The following DNAJC1 variants were observed in gnomAD, a reference collection of about 807,000 sequenced individuals.
DNAJC1 encodes DnaJ heat shock protein family (Hsp40) member C1.
DNAJC1 carries 58 observed loss-of-function variants against 76.6 expected under a neutral mutation model. That is an observed-to-expected ratio of 0.76 (90% CI 0.61 to 0.94). The LOEUF (loss-of-function observed/expected upper bound fraction) is 0.94, where lower values mean the gene tolerates loss of function less well. DNAJC1 is among the 40% of genes least tolerant of loss of function. The pLI is 0.00. For synonymous variants in DNAJC1, 258 were observed against 267.9 expected (o/e 0.96, Z 0.36); for missense variants, 689 against 677.3 (o/e 1.02, Z -0.19).
rs561973400 is a variant in DNAJC1, at chr10:21,929,155, G to C, written c.223-14C>G. 9.5e-6 allele frequency: 15 copies of C among 1,576,438 alleles called. No homozygotes were observed. Among genetic ancestry groups the C allele is most frequent in the Admixed American group, 1.8e-5 (1 of 56,740 alleles). ...AGATGATGCATCCTGGAGGTGGTAG[G>C]GGGAGGGGAAAATACAAAGCAAACT... On this transcript the variant is annotated splice_polypyrimidine_tract_variant and intron_variant, in intron 1 of 11. Transcript: ENST00000376980.
At chr10:21,989,485 C>T (rs1013826255) in intron 1 of DNAJC1, among the ~76,000 whole-genome samples, 6 of 151,994 alleles carry the variant, frequency 3.9e-5, no homozygotes, top group African/African-American at 9.7e-5. Flanking sequence ...AGTAGGCAGA[C>T]GAAACCAGAA....
intron 8 of DNAJC1, among the ~76,000 whole-genome samples, chr10:21,823,645 G>A (rs927076660): frequency 6.6e-5 from 10 of 151,722 alleles, no homozygotes; most frequent in Admixed American, 6.6e-4. Context: ...AACCAAGGGT[G>A]TCCAATCTTT....
chr10:21,961,460 A>G (rs1249031270), intron 1 of DNAJC1, among the ~76,000 whole-genome samples: 1 of 152,168 alleles, frequency 6.6e-6, no homozygotes, highest in Non-Finnish European at 1.5e-5. Flanking sequence ...ACTAAGTGAA[A>G]TAAGCCAGAT....
intron 8 of DNAJC1, among the ~76,000 whole-genome samples, chr10:21,868,392 C>A (rs192693217): frequency 1.3e-5 from 2 of 151,498 alleles, no homozygotes; most frequent in African/African-American, 4.9e-5. Flanking sequence ...CAAAGTGCTG[C>A]GATTACAGGC....
At chr10:21,766,902 G>A (rs1423907953) in intron 9 of DNAJC1, among the ~76,000 whole-genome samples, 3 of 151,054 alleles carry the variant, frequency 2.0e-5, no homozygotes, top group African/African-American at 4.9e-5. Flanking sequence ...CCCAGGAGGC[G>A]GAGGTTGCAG....
At chr10:21,984,332 G>C (rs1190561992) in intron 1 of DNAJC1, among the ~76,000 whole-genome samples, 1 of 152,064 alleles carries the variant, frequency 6.6e-6, no homozygotes, top group Non-Finnish European at 1.5e-5. Context: ...GCAGTTCCAG[G>C]GGCAGTTATG....
chr10:21,861,801 C>T (rs560570730), intron 8 of DNAJC1, among the ~76,000 whole-genome samples: 61 of 152,236 alleles, frequency 4.0e-4, no homozygotes, highest in African/African-American at 1.4e-3. Flanking sequence ...GAATAATCCA[C>T]CCCTTGTTTA....
intron 8 of DNAJC1, among the ~76,000 whole-genome samples, chr10:21,816,865 A>T (rs2131653885): frequency 6.9e-6 from 1 of 145,136 alleles, no homozygotes; most frequent in South Asian, 2.2e-4. Context: ...CTCTTAAAAA[A>T]AAAAAAATGC....
At chr10:21,814,591 A>T (rs1251937437) in intron 8 of DNAJC1, among the ~76,000 whole-genome samples, 1 of 152,044 alleles carries the variant, frequency 6.6e-6, no homozygotes. Flanking sequence ...TTACAGTACA[A>T]CCTCTTCTGT....
intron 8 of DNAJC1, among the ~76,000 whole-genome samples, chr10:21,836,524 C>A (rs1236591185): frequency 6.6e-6 from 1 of 152,132 alleles, no homozygotes; most frequent in African/African-American, 2.4e-5. Context: ...TTAAGAGACA[C>A]AGACTGGCAA....
intron 7 of DNAJC1, among the ~76,000 whole-genome samples, chr10:21,883,244 T>C (rs1393418573): frequency 5.2e-5 from 4 of 76,776 alleles, no homozygotes; most frequent in Admixed American, 4.3e-4. Context: ...AGTGAGATTC[T>C]ATCTCAAACA....
intron 8 of DNAJC1, among the ~76,000 whole-genome samples, chr10:21,846,851 T>C (rs566321359): frequency 6.6e-6 from 1 of 151,152 alleles, no homozygotes; most frequent in African/African-American, 2.4e-5. Flanking sequence ...CATTTCCATA[T>C]CAAAGATGAA....
chr10:21,794,125 T>C (rs536084260), intron 9 of DNAJC1, among the ~76,000 whole-genome samples: 2 of 151,770 alleles, frequency 1.3e-5, no homozygotes, highest in African/African-American at 4.8e-5. Context: ...AAAAAACTAG[T>C]TGGGTGTGGT....
chr10:21,803,719 A>T, intron 9 of DNAJC1: 1 of 571,894 alleles, frequency 1.7e-6, no homozygotes, highest in Non-Finnish European at 2.2e-6. Flanking sequence ...TGCTTACAGA[A>T]TGAAAATGCA....
chr10:21,932,491 G>C (rs1011441405), intron 1 of DNAJC1, among the ~76,000 whole-genome samples: 5 of 152,184 alleles, frequency 3.3e-5, no homozygotes, highest in African/African-American at 1.2e-4. Flanking sequence ...AAAAATGTCA[G>C]AATCAACTTT....
intron 3 of DNAJC1, among the ~76,000 whole-genome samples, chr10:21,927,752 A>T (rs903505576): frequency 6.6e-6 from 1 of 152,124 alleles, no homozygotes; most frequent in Admixed American, 6.5e-5. Context: ...AAAACTTAGA[A>T]GGCTGCTGAA....
intron 1 of DNAJC1, among the ~76,000 whole-genome samples, chr10:21,974,710 T>C (rs1169222172): frequency 2.6e-5 from 4 of 152,184 alleles, no homozygotes; most frequent in African/African-American, 9.6e-5. Context: ...TGTAGCAATA[T>C]ATACAAGACA....
chr10:21,855,342 CAGTT>C (rs1835817574), intron 8 of DNAJC1, among the ~76,000 whole-genome samples: 1 of 151,992 alleles, frequency 6.6e-6, no homozygotes, highest in South Asian at 2.1e-4. Flanking sequence ...CATTCTGCAA[CAGTT>C]AGAGACAAGG....
intron 8 of DNAJC1, among the ~76,000 whole-genome samples, chr10:21,849,445 A>AG (rs1305028435): frequency 6.6e-6 from 1 of 151,994 alleles, no homozygotes. Context: ...AATGAAATAG[A>AG]GAACAGATAA....
Sources: allele counts gnomAD v4.1 joint callset (sites outside exome capture counted in the v4.1 genomes callset), GRCh38; gene constraint gnomAD v4.1.1; transcripts MANE v1.5; gene names NCBI Gene and HGNC (gene_info 2026-07-23, HGNC 2026-07-21).